The following SHISA6 variants were observed in gnomAD, a reference collection of about 807,000 sequenced individuals.
The protein encoded by SHISA6 is protein shisa-6.
A neutral mutation model predicts 47.9 loss-of-function variants in SHISA6; 22 were observed. The ratio of observed to expected loss-of-function variants is 0.46; its 90% CI spans 0.33 to 0.66. The LOEUF is 0.66. SHISA6 is among the 30% of genes least tolerant of loss of function. The pLI, the probability that SHISA6 is intolerant of heterozygous loss-of-function variation, is 0.02. For missense variants in SHISA6, 680 were observed against 764.6 expected (o/e 0.89, Z 1.30); for synonymous variants, 388 against 337.8 (o/e 1.15, Z -1.63).
intron 3 of SHISA6, among the ~76,000 whole-genome samples, chr17:11,484,060 C>T (rs1036491532): frequency 6.6e-6 from 1 of 152,156 alleles, no homozygotes; most frequent in Non-Finnish European, 1.5e-5. Context: ...AACATATTTA[C>T]AAAAATTAAC....
At chr17:11,243,679 G>T (rs780194398) in intron 1 of SHISA6, among the ~76,000 whole-genome samples, 1 of 152,184 alleles carries the variant, frequency 6.6e-6, no homozygotes, top group East Asian at 1.9e-4. Context: ...GGAATTGCCC[G>T]TGGGCAGGTG....
At chr17:11,350,291 T>C (rs1911841319) in intron 2 of SHISA6, among the ~76,000 whole-genome samples, 2 of 48,732 alleles carry the variant, frequency 4.1e-5, no homozygotes, top group Non-Finnish European at 8.5e-5. Context: ...GCCATTCTCC[T>C]GCCTCAGCCT....
At chr17:11,395,814 G>A (rs759632990) in intron 3 of SHISA6, among the ~76,000 whole-genome samples, 6 of 152,048 alleles carry the variant, frequency 3.9e-5, no homozygotes, top group Non-Finnish European at 8.8e-5. Context: ...CACCGTGCCC[G>A]GCCAGTTTTA....
chr17:11,368,219 G>A (rs1167167574), intron 2 of SHISA6, among the ~76,000 whole-genome samples: 1 of 152,194 alleles, frequency 6.6e-6, no homozygotes, highest in East Asian at 1.9e-4. Flanking sequence ...CATGTCAGGA[G>A]CAAGACAGGG....
chr17:11,261,660 A>G (rs1175484077), intron 1 of SHISA6, among the ~76,000 whole-genome samples: 1 of 152,212 alleles, frequency 6.6e-6, no homozygotes, highest in South Asian at 2.1e-4. Context: ...AAATGACTGA[A>G]TAATATTCCA....
At chr17:11,354,749 C>T (rs920622784) in intron 2 of SHISA6, among the ~76,000 whole-genome samples, 3 of 152,136 alleles carry the variant, frequency 2.0e-5, no homozygotes, top group East Asian at 1.9e-4. Flanking sequence ...GTGCCTCCCC[C>T]ACCCCCTATC....
chr17:11,296,214 G>A (rs1909747459), intron 2 of SHISA6, among the ~76,000 whole-genome samples: 1 of 152,136 alleles, frequency 6.6e-6, no homozygotes. Flanking sequence ...GGAATGACAT[G>A]GTCATCTTTA....
At chr17:11,548,202 AAAT>A (rs2071898543) in intron 3 of SHISA6, among the ~76,000 whole-genome samples, 1 of 152,158 alleles carries the variant, frequency 6.6e-6, no homozygotes, top group Non-Finnish European at 1.5e-5. Context: ...GCAGTTGATG[AAAT>A]AACACAAGCC....
chr17:11,361,512 G>A (rs1179683140), intron 2 of SHISA6, among the ~76,000 whole-genome samples: 1 of 152,196 alleles, frequency 6.6e-6, no homozygotes, highest in Non-Finnish European at 1.5e-5. Flanking sequence ...TCCGTGGACT[G>A]TAACTCCAAG....
chr17:11,364,538 A>G (rs555438665), intron 2 of SHISA6, among the ~76,000 whole-genome samples: 3 of 152,334 alleles, frequency 2.0e-5, no homozygotes, highest in Non-Finnish European at 4.4e-5. Context: ...TCACATAAGT[A>G]TTTCACATAA....
intron 3 of SHISA6, among the ~76,000 whole-genome samples, chr17:11,537,617 T>TAG (rs2071798503): frequency 6.6e-6 from 1 of 152,184 alleles, no homozygotes; most frequent in Admixed American, 6.5e-5. Flanking sequence ...TCTGCCACTT[T>TAG]GGGCCTTAGG....
chr17:11,413,249 G>A (rs1267814824), intron 3 of SHISA6, among the ~76,000 whole-genome samples: 8 of 152,140 alleles, frequency 5.3e-5, no homozygotes, highest in Admixed American at 6.5e-5. Context: ...TCGATGATAC[G>A]TCATTTCGTG....
intron 1 of SHISA6, among the ~76,000 whole-genome samples, chr17:11,256,018 G>C (rs575322085): frequency 6.6e-6 from 1 of 152,002 alleles, no homozygotes; most frequent in Non-Finnish European, 1.5e-5. Flanking sequence ...CATTATTTTG[G>C]TCTTATTTTT....
At chr17:11,307,238 C>T (rs75195121) in intron 2 of SHISA6, among the ~76,000 whole-genome samples, 5,173 of 150,422 alleles carry the variant, frequency 0.034, 313 homozygotes, top group African/African-American at 0.12. Context: ...GTCTAAGTTG[C>T]TCTACTCAAG....
chr17:11,517,453 T>C (rs923130407), intron 3 of SHISA6, among the ~76,000 whole-genome samples: 1 of 152,212 alleles, frequency 6.6e-6, no homozygotes, highest in Non-Finnish European at 1.5e-5. Flanking sequence ...CAGCTTCTTG[T>C]ATGAGTCAAA....
chr17:11,273,520 C>A (rs1908759923), intron 2 of SHISA6, among the ~76,000 whole-genome samples: 1 of 152,228 alleles, frequency 6.6e-6, no homozygotes, highest in Non-Finnish European at 1.5e-5. Flanking sequence ...AGAGGAGCAA[C>A]TTGGGCATTT....
chr17:11,557,385 A>G (rs574356424), intron 5 of SHISA6, among the ~76,000 whole-genome samples: 2 of 152,220 alleles, frequency 1.3e-5, no homozygotes, highest in African/African-American at 2.4e-5. Flanking sequence ...TGGGCTTGCT[A>G]TCAACTCTGC....
intron 5 of SHISA6, among the ~76,000 whole-genome samples, chr17:11,556,463 C>G (rs905520594): frequency 6.6e-6 from 1 of 152,154 alleles, no homozygotes; most frequent in Non-Finnish European, 1.5e-5. Flanking sequence ...GTTAAAGATA[C>G]AAAAATGTCA....
At chr17:11,315,372 C>T (rs1346867492) in intron 2 of SHISA6, among the ~76,000 whole-genome samples, 1 of 152,092 alleles carries the variant, frequency 6.6e-6, no homozygotes, top group African/African-American at 2.4e-5. Flanking sequence ...ACTGTCGTAT[C>T]ACCTGCAAAG....
Sources: gnomAD v4.1 joint callset for allele counts (sites outside exome capture counted in the v4.1 genomes callset) on GRCh38, gnomAD v4.1.1 for gene constraint, MANE v1.5 for transcripts, NCBI Gene and HGNC (gene_info 2026-07-23, HGNC 2026-07-21) for gene names.